Variants in NKAIN2 observed in about 807,000 individuals in gnomAD.
NKAIN2 encodes the protein sodium/potassium transporting ATPase interacting 2, also known as sodium/potassium-transporting ATPase subunit beta-1-interacting protein 2.
NKAIN2 carries 14 observed loss-of-function variants against 32.6 expected under a neutral mutation model. The ratio of observed to expected loss-of-function variants is 0.43; its 90% CI spans 0.28 to 0.67. The LOEUF (loss-of-function observed/expected upper bound fraction) is 0.67. NKAIN2 is among the 30% of genes least tolerant of loss of function. The pLI, the probability that NKAIN2 is intolerant of heterozygous loss-of-function variation, is 0.17. For synonymous variants in NKAIN2, 80 were observed against 87.2 expected, an observed-to-expected ratio of 0.92 and a Z score of 0.46; for missense variants, 198 against 258.3, an observed-to-expected ratio of 0.77 and a Z score of 1.60.
At chr6:124,556,417 A>T (rs1780477737) in intron 3 of NKAIN2, among the ~76,000 whole-genome samples, 1 of 152,150 alleles carries the variant, frequency 6.6e-6, no homozygotes, top group South Asian at 2.1e-4. Context: ...GAGGGCTTTG[A>T]CCTCGTAAAT....
intron 3 of NKAIN2, among the ~76,000 whole-genome samples, chr6:124,513,948 C>T (rs537253003): frequency 5.9e-5 from 9 of 151,974 alleles, no homozygotes; most frequent in South Asian, 2.1e-4. Context: ...ACTTTGAGGA[C>T]GAAAATCTTA....
chr6:123,867,586 CA>C (rs1378282030), intron 1 of NKAIN2, among the ~76,000 whole-genome samples: 2 of 152,168 alleles, frequency 1.3e-5, no homozygotes, highest in Non-Finnish European at 2.9e-5. Flanking sequence ...AATAGGGACT[CA>C]AAAATGTTGG....
In NKAIN2 at chr6:124,286,649, TGTGTGTGTGTGTGTGTGTGTGTGTGC is replaced by T. The variant is rs1361414350; in HGVS notation, c.192+3509_192+3534del. 3.3e-5 allele frequency among the ~76,000 whole-genome samples: 4 copies of T among 119,750 alleles called. No homozygotes were observed. In the East Asian group the frequency reaches 1.0e-3, roughly 30 times the overall value. The allele number at this position is 119,750 out of a possible 152,430, so 78.6% of individuals were successfully genotyped here. On this transcript the variant is annotated intron_variant, in intron 2 of 6. Coordinates refer to ENST00000368417, the MANE Select transcript of NKAIN2 (RefSeq NM_001040214.3). ...TGTTTTCTGTTTGGAAAATTGTGTG[TGTGTGTGTGTGTGTGTGTGTGTGTGC>T]GCGCGCGTGTGTGTGTGTGTGTGTG...
intron 3 of NKAIN2, among the ~76,000 whole-genome samples, chr6:124,356,978 A>G (rs1268555074): frequency 6.6e-6 from 1 of 152,176 alleles, no homozygotes; most frequent in African/African-American, 2.4e-5. Context: ...CTGGCTGCAC[A>G]AAAGTTCTGT....
chr6:124,126,383 C>T (rs1786166418), intron 1 of NKAIN2, among the ~76,000 whole-genome samples: 1 of 152,156 alleles, frequency 6.6e-6, no homozygotes, highest in Non-Finnish European at 1.5e-5. Flanking sequence ...CCATCTCTTC[C>T]TTCATTCTCC....
Position 123,969,399 on chromosome 6 carries a change from A to G in NKAIN2, c.54+165145A>G, listed in dbSNP as rs548980030. On this transcript the variant is annotated intron_variant, in intron 1 of 6. Coordinates refer to ENST00000368417, the MANE Select transcript of NKAIN2 (RefSeq NM_001040214.3). ...GTGAAGAGATGGCTGCGGTTTAACA[A>G]TGCATCCAGCTGAAGAATAAATCTA... Among the ~76,000 whole-genome samples, 4 of 152,338 alleles carry G rather than the reference A, an allele frequency of 2.6e-5. No homozygotes were observed. In the East Asian group the frequency reaches 7.7e-4, roughly 29 times the overall value.
At chr6:124,042,880 A>G (rs1034179697) in intron 1 of NKAIN2, among the ~76,000 whole-genome samples, 5 of 152,132 alleles carry the variant, frequency 3.3e-5, no homozygotes, top group Admixed American at 2.0e-4. Flanking sequence ...CCTTTGTAAC[A>G]GGAATTTTTC....
intron 1 of NKAIN2, among the ~76,000 whole-genome samples, chr6:124,026,515 A>G (rs995998524): frequency 6.6e-6 from 1 of 152,164 alleles, no homozygotes; most frequent in Admixed American, 6.5e-5. Flanking sequence ...TCATCTGTGA[A>G]TAATCGTAGC....
At chr6:124,525,012 A>G (rs1779259193) in intron 3 of NKAIN2, among the ~76,000 whole-genome samples, 1 of 152,206 alleles carries the variant, frequency 6.6e-6, no homozygotes, top group South Asian at 2.1e-4. Context: ...CACTGGGAAG[A>G]TAAGAACTGC....
chr6:124,607,629 G>A (rs930454680), intron 3 of NKAIN2, among the ~76,000 whole-genome samples: 11 of 152,042 alleles, frequency 7.2e-5, no homozygotes, highest in East Asian at 3.9e-4. Flanking sequence ...TGCCCCTACT[G>A]TATTGCAAAA....
intron 3 of NKAIN2, among the ~76,000 whole-genome samples, chr6:124,641,662 C>T (rs1241802785): frequency 2.0e-5 from 3 of 147,612 alleles, no homozygotes; most frequent in East Asian, 4.1e-4. Context: ...AGCGATTCTC[C>T]TGCTTCAGCC....
In NKAIN2 at chr6:124,028,921, A is replaced by G. The variant is rs200200753; in HGVS notation, c.54+224667A>G. Among the ~76,000 whole-genome samples, 15 of 14,220 alleles carry G rather than the reference A, an allele frequency of 1.1e-3. No individual in the cohort carries two copies. The South Asian group carries it at 0.021, about 20-fold the overall frequency. 9.3% of individuals were successfully genotyped at this position (14,220 alleles called of 152,430 possible). On this transcript the variant is annotated intron_variant, in intron 1 of 6. Transcript: ENST00000368417. ...TATATATACACATATATGTATATAT[A>G]TGTGTATATATATATATATAGTTTT... is the stretch of plus-strand genomic sequence containing the variant.
At chr6:123,910,796 A>G (rs1775141829) in intron 1 of NKAIN2, among the ~76,000 whole-genome samples, 1 of 151,776 alleles carries the variant, frequency 6.6e-6, no homozygotes, top group Non-Finnish European at 1.5e-5. Flanking sequence ...GAGCCACCAC[A>G]CCCGGCCAAT....
chr6:124,477,359 G>A (rs1333001892), intron 3 of NKAIN2, among the ~76,000 whole-genome samples: 2 of 152,154 alleles, frequency 1.3e-5, no homozygotes, highest in African/African-American at 4.8e-5. Flanking sequence ...GGAGGGAGAA[G>A]GGAGATGGGC....
chr6:124,280,763 T>G (rs562138199), intron 1 of NKAIN2, among the ~76,000 whole-genome samples: 71 of 152,304 alleles, frequency 4.7e-4, no homozygotes, highest in African/African-American at 1.7e-3. Flanking sequence ...CTACACATAT[T>G]ATAACCCTTA....
intron 4 of NKAIN2, among the ~76,000 whole-genome samples, chr6:124,678,100 T>C (rs1773448919): frequency 1.3e-5 from 2 of 152,188 alleles, no homozygotes; most frequent in Non-Finnish European, 2.9e-5. Flanking sequence ...AGAAACTACC[T>C]TGTATGTGAT....
chr6:124,232,509 T>G (rs1792513590), intron 1 of NKAIN2, among the ~76,000 whole-genome samples: 1 of 152,128 alleles, frequency 6.6e-6, no homozygotes, highest in Admixed American at 6.5e-5. Flanking sequence ...AAAAATGAGC[T>G]AATTGTACTG....
intron 1 of NKAIN2, among the ~76,000 whole-genome samples, chr6:124,235,602 G>GT (rs35917574): frequency 0.078 from 11,533 of 147,384 alleles, 479 homozygotes; most frequent in Middle Eastern, 0.1. Flanking sequence ...TTTTTTTGTT[G>GT]TTTTTTTTTT....
chr6:124,783,783 T>A (rs912290559), intron 4 of NKAIN2, among the ~76,000 whole-genome samples: 3 of 152,174 alleles, frequency 2.0e-5, no homozygotes, highest in African/African-American at 7.2e-5. Context: ...TGGAATAAGA[T>A]GAAAAAGAGC....
Sources: allele counts gnomAD v4.1 joint callset (sites outside exome capture counted in the v4.1 genomes callset), GRCh38; gene constraint gnomAD v4.1.1; transcripts MANE v1.5; gene names NCBI Gene and HGNC (gene_info 2026-07-23, HGNC 2026-07-21).